Variants in CTNNA2 observed in about 807,000 individuals in gnomAD.
CTNNA2 encodes catenin alpha-2.
CTNNA2 carries 42 observed loss-of-function variants against 101.0 expected under a neutral mutation model. That is an observed-to-expected ratio of 0.42 (90% CI 0.32 to 0.54). The LOEUF (loss-of-function observed/expected upper bound fraction) is 0.54, where lower values mean the gene tolerates loss of function less well. CTNNA2 is among the 20% of genes least tolerant of loss of function. CTNNA2 has a pLI of 0.14. For synonymous variants in CTNNA2, 450 were observed against 456.4 expected, an observed-to-expected ratio of 0.99 and a Z score of 0.18; for missense variants, 871 against 1,223.1, an observed-to-expected ratio of 0.71 and a Z score of 4.29.
chr2:79,900,692 AC>A (rs1685013294), intron 6 of CTNNA2, among the ~76,000 whole-genome samples: 1 of 152,208 alleles, frequency 6.6e-6, no homozygotes, highest in African/African-American at 2.4e-5. Flanking sequence ...TATAAAACTT[AC>A]CCAGTTATAC....
At chr2:80,464,786 A>C (rs1386915104) in intron 9 of CTNNA2, among the ~76,000 whole-genome samples, 1 of 152,146 alleles carries the variant, frequency 6.6e-6, no homozygotes, top group African/African-American at 2.4e-5. Context: ...ATTTAAACAC[A>C]TGAGGAAGGT....
At chr2:79,679,382 T>A (rs111814824) in intron 2 of CTNNA2, among the ~76,000 whole-genome samples, 13 of 152,234 alleles carry the variant, frequency 8.5e-5, no homozygotes, top group African/African-American at 3.1e-4. Context: ...TCCCACCTTG[T>A]TCCCCACTCC....
chr2:79,428,259 G>A (rs1362270450), intron 4 of CTNNA2, among the ~76,000 whole-genome samples: 1 of 151,900 alleles, frequency 6.6e-6, no homozygotes, highest in Admixed American at 6.6e-5. Flanking sequence ...CCTTCTTGGT[G>A]TGAATTCTGT....
At chr2:80,228,297 T>G (rs571923733) in intron 7 of CTNNA2, among the ~76,000 whole-genome samples, 2 of 152,328 alleles carry the variant, frequency 1.3e-5, no homozygotes, top group East Asian at 3.9e-4. Flanking sequence ...TGTTGTCTGA[T>G]GAGGGCTCAT....
intron 7 of CTNNA2, among the ~76,000 whole-genome samples, chr2:79,949,501 C>T (rs1688731361): frequency 6.6e-6 from 1 of 152,132 alleles, no homozygotes; most frequent in South Asian, 2.1e-4. Context: ...GGCGAAGTGG[C>T]TCATCCCTAT....
intron 7 of CTNNA2, among the ~76,000 whole-genome samples, chr2:80,358,830 A>G (rs904577488): frequency 2.6e-5 from 4 of 152,086 alleles, no homozygotes; most frequent in South Asian, 2.1e-4. Flanking sequence ...AAACTCTCAC[A>G]TCACTCTTTT....
intron 7 of CTNNA2, among the ~76,000 whole-genome samples, chr2:80,216,414 T>TAAC (rs917389475): frequency 1.3e-4 from 20 of 152,264 alleles, no homozygotes; most frequent in African/African-American, 4.8e-4. Flanking sequence ...AAAATAACAA[T>TAAC]AATAATAATA....
At chr2:80,135,137 G>C (rs747473141) in intron 7 of CTNNA2, among the ~76,000 whole-genome samples, 61 of 152,168 alleles carry the variant, frequency 4.0e-4, no homozygotes, top group Non-Finnish European at 7.9e-4. Flanking sequence ...ACAGTCTGAG[G>C]ATTTGTGGTC....
At chr2:79,236,359 C>T (rs1324034446) in intron 2 of CTNNA2, among the ~76,000 whole-genome samples, 1 of 152,108 alleles carries the variant, frequency 6.6e-6, no homozygotes, top group East Asian at 1.9e-4. Context: ...GTCTCAAATC[C>T]TTGTCTCAAG....
intron 7 of CTNNA2, among the ~76,000 whole-genome samples, chr2:80,097,421 C>A (rs1558804673): frequency 6.6e-6 from 1 of 152,202 alleles, no homozygotes; most frequent in Admixed American, 6.5e-5. Context: ...CGACCTTTCT[C>A]TCTGGCTGCC....
At chr2:80,401,087 C>A (rs1186427172) in intron 8 of CTNNA2, among the ~76,000 whole-genome samples, 1 of 152,186 alleles carries the variant, frequency 6.6e-6, no homozygotes, top group Admixed American at 6.5e-5. Context: ...AGGATTTATC[C>A]AGTAGACTCC....
At position 80,143,979 on chromosome 2, in the gene CTNNA2, T is replaced by C. The variant is rs79060802; in HGVS notation, c.1056+234182T>C. Among the ~76,000 whole-genome samples the C allele has an allele frequency of 7.2e-4, 110 of 152,256 alleles. No homozygotes were observed. In the East Asian group the frequency reaches 0.02, roughly 28 times the overall value. On this transcript the variant is annotated intron_variant, in intron 7 of 18. Transcript: ENST00000402739. Reference sequence around the variant, plus strand: ...TAGTTGTCATTAACAATTTCAAAGTTTTGGGGGCTAGAGGTCTTTCCCCCA... The same window carrying C: ...TAGTTGTCATTAACAATTTCAAAGTCTTGGGGGCTAGAGGTCTTTCCCCCA...
At chr2:79,400,441 A>T (rs994938385) in intron 4 of CTNNA2, among the ~76,000 whole-genome samples, 3 of 152,000 alleles carry the variant, frequency 2.0e-5, no homozygotes, top group African/African-American at 7.2e-5. Context: ...GAATATCAAT[A>T]AAGAGTTAGA....
intron 2 of CTNNA2, among the ~76,000 whole-genome samples, chr2:79,292,423 G>A (rs1675847083): frequency 6.6e-6 from 1 of 152,294 alleles, no homozygotes; most frequent in South Asian, 2.1e-4. Context: ...TCTTTCCAAG[G>A]CAAGCTGGAA....
At chr2:80,083,257 CTA>C (rs1406912995) in intron 7 of CTNNA2, among the ~76,000 whole-genome samples, 1 of 152,106 alleles carries the variant, frequency 6.6e-6, no homozygotes, top group East Asian at 1.9e-4. Context: ...AATTTTAAAA[CTA>C]GTTTCCTCAG....
chr2:79,372,110 C>T (rs774257724), intron 3 of CTNNA2, among the ~76,000 whole-genome samples: 18 of 152,038 alleles, frequency 1.2e-4, no homozygotes, highest in Non-Finnish European at 2.2e-4. Flanking sequence ...CCGGGGTGAA[C>T]CTGAGGTGAG....
intron 6 of CTNNA2, among the ~76,000 whole-genome samples, chr2:79,877,979 G>A (rs995229022): frequency 3.3e-5 from 5 of 151,822 alleles, no homozygotes; most frequent in Admixed American, 2.0e-4. Flanking sequence ...CCCCCACCCC[G>A]CAACAGTCCC....
intron 9 of CTNNA2, among the ~76,000 whole-genome samples, chr2:80,516,477 CCATCTGGT>C (rs1689117638): frequency 6.6e-6 from 1 of 152,150 alleles, no homozygotes; most frequent in Non-Finnish European, 1.5e-5. Flanking sequence ...TTAATGCTCC[CCATCTGGT>C]CCTCAAAGCA....
chr2:80,576,930 C>G (rs116586442), intron 13 of CTNNA2, among the ~76,000 whole-genome samples: 5 of 152,140 alleles, frequency 3.3e-5, no homozygotes, highest in African/African-American at 1.2e-4. Flanking sequence ...GTCTCCCAAA[C>G]TGTGTATCAA....
Sources: allele counts gnomAD v4.1 joint callset (sites outside exome capture counted in the v4.1 genomes callset), GRCh38; gene constraint gnomAD v4.1.1; transcripts MANE v1.5; gene names NCBI Gene and HGNC (gene_info 2026-07-23, HGNC 2026-07-21).